Variants in DNAJC1 observed in about 807,000 individuals in gnomAD.
DNAJC1 encodes DnaJ heat shock protein family (Hsp40) member C1, also known as dnaJ homolog subfamily C member 1.
DNAJC1 carries 58 observed loss-of-function variants against 76.6 expected under a neutral mutation model. The ratio of observed to expected loss-of-function variants is 0.76; its 90% confidence interval spans 0.61 to 0.94. The LOEUF is 0.94. Ranked by LOEUF, DNAJC1 falls within the 40% of genes least tolerant of loss-of-function variation. The pLI is 0.00. For missense variants in DNAJC1, 689 were observed against 677.3 expected, an observed-to-expected ratio of 1.02 and a Z score of -0.19; for synonymous variants, 258 against 267.9, an observed-to-expected ratio of 0.96 and a Z score of 0.36.
At chr10:21,811,111 A>G (rs1834957674) in intron 8 of DNAJC1, among the ~76,000 whole-genome samples, 1 of 152,178 alleles carries the variant, frequency 6.6e-6, no homozygotes, top group South Asian at 2.1e-4. Flanking sequence ...TCCGCTGAGG[A>G]GATTCCTTTG....
At chr10:21,785,156 A>G (rs1834588870) in intron 9 of DNAJC1, 1 of 152,234 alleles carries the variant, frequency 6.6e-6, no homozygotes, top group Admixed American at 6.5e-5. Context: ...AGCTTTGTGC[A>G]CTGGCAGTTT....
At chr10:21,931,290 T>C (rs1415283430) in intron 1 of DNAJC1, among the ~76,000 whole-genome samples, 1 of 152,232 alleles carries the variant, frequency 6.6e-6, no homozygotes, top group Non-Finnish European at 1.5e-5. Flanking sequence ...CAGACAGCTC[T>C]CTTCTAAGGA....
At chr10:21,776,599 T>A (rs1331481293) in intron 9 of DNAJC1, among the ~76,000 whole-genome samples, 3 of 152,014 alleles carry the variant, frequency 2.0e-5, no homozygotes, top group Admixed American at 1.3e-4. Flanking sequence ...TTTTCTCCTC[T>A]CCCTTCTCCT....
At chr10:21,811,766 G>A (rs1834970673) in intron 8 of DNAJC1, among the ~76,000 whole-genome samples, 1 of 151,880 alleles carries the variant, frequency 6.6e-6, no homozygotes, top group South Asian at 2.1e-4. Flanking sequence ...GAGCTGCTAT[G>A]GATATTGTGT....
At chr10:21,903,405 T>C (rs922226768) in intron 7 of DNAJC1, among the ~76,000 whole-genome samples, 2 of 151,984 alleles carry the variant, frequency 1.3e-5, no homozygotes, top group African/African-American at 4.9e-5. Context: ...TCCTCTATCA[T>C]TCTTACTCCT....
chr10:21,982,423 T>C (rs1838172569), intron 1 of DNAJC1, among the ~76,000 whole-genome samples: 1 of 152,114 alleles, frequency 6.6e-6, no homozygotes, highest in African/African-American at 2.4e-5. Flanking sequence ...AATGAAAACC[T>C]TTTGTGCATC....
intron 1 of DNAJC1, among the ~76,000 whole-genome samples, chr10:21,984,877 G>A (rs778396586): frequency 6.6e-6 from 1 of 152,140 alleles, no homozygotes; most frequent in African/African-American, 2.4e-5. Context: ...TGTGTACTCA[G>A]TTTACACACA....
chr10:21,904,413 A>C, intron 7 of DNAJC1, 109 bp downstream of exon 7: 1 of 700,426 alleles, frequency 1.4e-6, no homozygotes, highest in Non-Finnish European at 2.1e-6. Context: ...GTGGGAAAAA[A>C]AAAAAAAGAA....
At chr10:21,985,060 A>G (rs943034893) in intron 1 of DNAJC1, among the ~76,000 whole-genome samples, 3 of 152,214 alleles carry the variant, frequency 2.0e-5, no homozygotes, top group Admixed American at 1.3e-4. Context: ...TATTTTTCCA[A>G]CAGCTTGGTT....
chr10:21,789,017 T>C (rs746483467), intron 9 of DNAJC1, among the ~76,000 whole-genome samples: 4 of 152,022 alleles, frequency 2.6e-5, no homozygotes, highest in Non-Finnish European at 5.9e-5. Flanking sequence ...GACCCTGAGC[T>C]TAGGACTCCA....
chr10:21,883,251 A>AACACACACACAC (rs3032395), intron 7 of DNAJC1, among the ~76,000 whole-genome samples: 7,060 of 128,874 alleles, frequency 0.055, 282 homozygotes, highest in South Asian at 0.074. Flanking sequence ...TTCTATCTCA[A>AACACACACACAC]ACACACACAC....
chr10:21,849,292 CAAAAAAAAA>C (rs33953332), intron 8 of DNAJC1, among the ~76,000 whole-genome samples: 1,215 of 35,856 alleles, frequency 0.034, 11 homozygotes, highest in Middle Eastern at 0.12. Context: ...GACTCCGCCT[CAAAAAAAAA>C]AAAAAAAAAA....
intron 8 of DNAJC1, among the ~76,000 whole-genome samples, chr10:21,813,220 C>CTCTATATATATA (rs1438462566): frequency 5.2e-5 from 1 of 19,088 alleles, no homozygotes; most frequent in African/African-American, 2.6e-4. Context: ...CTCTCTCTCT[C>CTCTATATATATA]TATATATATA....
At chr10:21,960,626 G>A (rs1270016210) in intron 1 of DNAJC1, among the ~76,000 whole-genome samples, 1 of 152,150 alleles carries the variant, frequency 6.6e-6, no homozygotes, top group African/African-American at 2.4e-5. Flanking sequence ...GGAGGTTGAG[G>A]CTGCAGTAAG....
At chr10:21,758,556 G>T (rs918993852) in intron 11 of DNAJC1, among the ~76,000 whole-genome samples, 5 of 152,250 alleles carry the variant, frequency 3.3e-5, no homozygotes, top group African/African-American at 1.2e-4. Context: ...AACGGCCACG[G>T]CCGTGGAAAG....
At chr10:21,981,239 C>T (rs1342383702) in intron 1 of DNAJC1, among the ~76,000 whole-genome samples, 1 of 152,166 alleles carries the variant, frequency 6.6e-6, no homozygotes, top group African/African-American at 2.4e-5. Flanking sequence ...TCCCTGATTA[C>T]TTCCATCCTT....
chr10:21,997,783 C>G (rs747201435), intron 1 of DNAJC1, among the ~76,000 whole-genome samples: 1 of 152,130 alleles, frequency 6.6e-6, no homozygotes, highest in African/African-American at 2.4e-5. Context: ...ATAAGCACAT[C>G]CCTGTTCTTC....
intron 8 of DNAJC1, among the ~76,000 whole-genome samples, chr10:21,845,398 A>T (rs1406647260): frequency 6.7e-6 from 1 of 149,930 alleles, no homozygotes; most frequent in Non-Finnish European, 1.5e-5. Context: ...TCTGTTGCCC[A>T]GGCTGGAGCA....
chr10:21,844,114 C>A (rs1044058151), intron 8 of DNAJC1, among the ~76,000 whole-genome samples: 2 of 152,132 alleles, frequency 1.3e-5, no homozygotes, highest in African/African-American at 4.8e-5. Context: ...TATGAGACCT[C>A]CCCAGCCAAG....
Sources: gnomAD v4.1 joint callset for allele counts (sites outside exome capture counted in the v4.1 genomes callset) on GRCh38, gnomAD v4.1.1 for gene constraint, MANE v1.5 for transcripts, NCBI Gene and HGNC (gene_info 2026-07-23, HGNC 2026-07-21) for gene names.